UBE2G2: variants seen among roughly 807,000 people sequenced by gnomAD.
The protein encoded by UBE2G2 is ubiquitin-conjugating enzyme E2 G2.
UBE2G2 carries 10 observed loss-of-function variants against 23.0 expected under a neutral mutation model. That is an observed-to-expected ratio of 0.43 (90% CI 0.27 to 0.74). The LOEUF (loss-of-function observed/expected upper bound fraction) is 0.74. Ranked by LOEUF, UBE2G2 falls within the 30% of genes least tolerant of loss-of-function variation. The pLI, the probability that UBE2G2 is intolerant of heterozygous loss-of-function variation, is 0.19. For missense variants in UBE2G2, 150 were observed against 218.3 expected (o/e 0.69, Z 1.97); for synonymous variants, 86 against 81.3 (o/e 1.06, Z -0.31).
chr21:44,801,502 G>A (rs782571181), intron 1 of UBE2G2: 19 of 1,088,366 alleles, frequency 1.7e-5, no homozygotes, highest in South Asian at 1.2e-4. Context: ...TACTGATGCT[G>A]GGAAGGCTTC....
At position 44,801,786 on chromosome 21, in the gene UBE2G2, C is replaced by G. The variant is rs1275831076; in HGVS notation, c.-38G>C. ...GCTGCGCCGAGCGACCTCGCCTCAG[C>G]CGCGCGCGTGCCTCCTGCCCCGACA... On this transcript the variant is annotated 5_prime_UTR_variant, in exon 1 of 6. Transcript: ENST00000345496. 1.3e-6 allele frequency: 2 copies of G among 1,505,324 alleles called. No individual in the cohort carries two copies. Among genetic ancestry groups the G allele is most frequent in the Admixed American group, 2.2e-5 (1 of 44,922 alleles). 93.2% of individuals were successfully genotyped at this position (1,505,324 alleles called of 1,614,324 possible). A position where few individuals can be genotyped will look rare whatever the true frequency, so the allele number is the denominator to read the frequency against.
At chr21:44,788,186 TA>T in intron 1 of UBE2G2, 91 bp from the exon 2 acceptor site, 1 of 1,263,270 alleles carries the variant, frequency 7.9e-7, no homozygotes. Context: ...TATAAGCCTA[TA>T]AACCATAGAA....
At chr21:44,793,945 T>C (rs1254950972) in intron 1 of UBE2G2, among the ~76,000 whole-genome samples, 1 of 152,156 alleles carries the variant, frequency 6.6e-6, no homozygotes, top group South Asian at 2.1e-4. Flanking sequence ...GTGGGGTACT[T>C]TGCAGCTATA....
chr21:44,792,219 T>C lies in UBE2G2; in HGVS notation c.44-4124A>G, dbSNP rs576095807. 1.4e-4 allele frequency among the ~76,000 whole-genome samples: 22 copies of C among 152,334 alleles called. No homozygotes were observed. The South Asian group carries it at 2.9e-3, about 20-fold the overall frequency. ...CTTTTGAGTTAATGACGAAATGAGT[T>C]AAGACTTTGGGGGCCTTGCTGGGAA... On this transcript the variant is annotated intron_variant, in intron 1 of 5. Coordinates refer to ENST00000345496, the MANE Select transcript of UBE2G2 (RefSeq NM_003343.6).
chr21:44,778,981 G>A (rs11702743), intron 3 of UBE2G2, among the ~76,000 whole-genome samples: 33,058 of 152,104 alleles, frequency 0.22, 4,578 homozygotes, highest in Non-Finnish European at 0.31. Flanking sequence ...TAAATCTTCA[G>A]TTAAAAAATA....
intron 1 of UBE2G2, chr21:44,801,256 T>C (rs1555964715): frequency 1.0e-6 from 1 of 978,088 alleles, no homozygotes; most frequent in East Asian, 1.1e-4. Context: ...ACCCTTTTCC[T>C]TCATTAGAGG....
chr21:44,796,175 C>T (rs996320269), intron 1 of UBE2G2, among the ~76,000 whole-genome samples: 1 of 152,242 alleles, frequency 6.6e-6, no homozygotes, highest in Non-Finnish European at 1.5e-5. Context: ...TGAATGAAGA[C>T]AGAACATCAA....
intron 3 of UBE2G2, among the ~76,000 whole-genome samples, chr21:44,780,467 A>C (rs927076395): frequency 3.3e-5 from 5 of 152,262 alleles, no homozygotes; most frequent in Non-Finnish European, 7.3e-5. Context: ...GGACACAAAT[A>C]TATCCAAAGC....
chr21:44,775,875 C>T (rs2082909330), intron 4 of UBE2G2, among the ~76,000 whole-genome samples: 1 of 152,150 alleles, frequency 6.6e-6, no homozygotes, highest in Admixed American at 6.5e-5. Flanking sequence ...TGTGATGAAC[C>T]TCCATGTTAT....
chr21:44,793,357 C>A (rs1865496867), intron 1 of UBE2G2, among the ~76,000 whole-genome samples: 1 of 152,324 alleles, frequency 6.6e-6, no homozygotes, highest in East Asian at 1.9e-4. Context: ...TGGCACTCCC[C>A]TGCGTGACAC....
chr21:44,779,299 T>C, intron 3 of UBE2G2: 1 of 362,220 alleles, frequency 2.8e-6, no homozygotes, highest in Non-Finnish European at 5.4e-6. Flanking sequence ...AAATTTTGAT[T>C]CTGAAAACTG....
intron 3 of UBE2G2, among the ~76,000 whole-genome samples, chr21:44,778,280 G>C (rs782043189): frequency 4.6e-5 from 7 of 152,226 alleles, no homozygotes; most frequent in Non-Finnish European, 8.8e-5. Flanking sequence ...TGCATGCTCG[G>C]TGAAAGGCTA....
intron 1 of UBE2G2, among the ~76,000 whole-genome samples, chr21:44,796,456 A>G (rs1212612289): frequency 1.3e-5 from 2 of 152,334 alleles, no homozygotes; most frequent in East Asian, 3.9e-4. Context: ...GTCCACCTTT[A>G]CACTGGAATG....
chr21:44,795,093 T>C (rs565057999), intron 1 of UBE2G2, among the ~76,000 whole-genome samples: 5 of 151,946 alleles, frequency 3.3e-5, no homozygotes, highest in African/African-American at 1.2e-4. Context: ...TGAAATCCCG[T>C]TTCTACTAAA....
At chr21:44,787,092 C>CAA (rs11448217) in intron 3 of UBE2G2, among the ~76,000 whole-genome samples, 34 of 141,178 alleles carry the variant, frequency 2.4e-4, no homozygotes, top group African/African-American at 5.5e-4. Context: ...AACTCCATCT[C>CAA]AAAAAAAAAA....
chr21:44,798,775 C>T (rs375454736), intron 1 of UBE2G2, among the ~76,000 whole-genome samples: 33 of 152,302 alleles, frequency 2.2e-4, no homozygotes, highest in Middle Eastern at 3.4e-3. Flanking sequence ...CTTTTTCAAA[C>T]GCCTGTTGTT....
chr21:44,793,884 A>T (rs235272), intron 1 of UBE2G2, among the ~76,000 whole-genome samples: 2 of 152,074 alleles, frequency 1.3e-5, no homozygotes, highest in Non-Finnish European at 2.9e-5. Context: ...AATTAAAAAG[A>T]ACTTGAGTGT....
Position 44,771,701 on chromosome 21 carries a change from G to A in UBE2G2, c.386-212C>T, listed in dbSNP as rs1328493394. 6.6e-6 allele frequency among the ~76,000 whole-genome samples: 1 copy of A among 152,110 alleles called. No homozygotes were observed. The highest frequency in any genetic ancestry group is 1.5e-5 in the Non-Finnish European group (1 of 68,028). On this transcript the variant is annotated intron_variant, in intron 5 of 5. Transcript: ENST00000345496. The surrounding 1 kb of genome is among the most constrained non-coding windows in gnomAD (Gnocchi z 4.6). ...GCCACTCTCATGACTCCTGCGTTCT[G>A]AGTGTCTGAAGACACCAGGACAAGT...
chr21:44,774,556 C>T lies in UBE2G2; in HGVS notation c.245-869G>A, dbSNP rs373246503. ...CATGAAAATTCACAAATGTGAATGGCGATCACTTACCTTCAAACAGTCTTG... is the reference window on the plus strand; with the variant it reads ...CATGAAAATTCACAAATGTGAATGGTGATCACTTACCTTCAAACAGTCTTG... On this transcript the variant is annotated intron_variant, in intron 4 of 5. Transcript: ENST00000345496. 43 of 248,290 alleles carry T rather than the reference C, an allele frequency of 1.7e-4. 1 individual carries two copies. The highest frequency in any genetic ancestry group is 1.5e-3 in the South Asian group (40 of 26,906). The allele number at this position is 248,290 out of a possible 1,614,324, so 15.4% of individuals were successfully genotyped here.
Sources: gnomAD v4.1 joint callset for allele counts (sites outside exome capture counted in the v4.1 genomes callset) on GRCh38, gnomAD v4.1.1 for gene constraint, Gnocchi (gnomAD v3.1) non-coding constraint, MANE v1.5 for transcripts, NCBI Gene and HGNC (gene_info 2026-07-23, HGNC 2026-07-21) for gene names.